Variants in GABRA3 observed in about 807,000 individuals in gnomAD.
GABRA3 encodes the protein gamma-aminobutyric acid receptor subunit alpha-3.
GABRA3 carries 10 observed loss-of-function variants against 30.1 expected under a neutral mutation model. The ratio of observed to expected loss-of-function variants is 0.33; its 90% CI spans 0.20 to 0.56. GABRA3 has a LOEUF of 0.56. Among genes scored for constraint, GABRA3 ranks in the 20% least tolerant of loss-of-function variants. The probability of loss-of-function intolerance (pLI) is 0.89; values close to 1 mark genes in which losing one functional copy is unlikely to be tolerated. For missense variants in GABRA3, 233 were observed against 392.0 expected, an observed-to-expected ratio of 0.59 and a Z score of 3.42; for synonymous variants, 151 against 146.8, an observed-to-expected ratio of 1.03 and a Z score of -0.21.
At chrX:152,174,599 G>A (rs1379259372) in intron 9 of GABRA3, among the ~76,000 whole-genome samples, 3 of 112,149 alleles carry the variant, frequency 2.7e-5, no homozygotes, top group African/African-American at 9.7e-5. Context: ...CTTTTGAGAA[G>A]TGTCTGTTTA....
intron 1 of GABRA3, among the ~76,000 whole-genome samples, chrX:152,439,454 C>T (rs1166433512): frequency 9.0e-6 from 1 of 111,137 alleles, no homozygotes; most frequent in African/African-American, 3.3e-5. Flanking sequence ...GATGAAAATA[C>T]CAAGTGGTGG....
intron 5 of GABRA3, among the ~76,000 whole-genome samples, chrX:152,254,123 T>G (rs1034146021): frequency 8.9e-6 from 1 of 111,796 alleles, no homozygotes; most frequent in African/African-American, 3.2e-5. Flanking sequence ...CAGAATTTAC[T>G]TTAGGGTCAT....
chrX:152,390,664 C>T (rs1929453207), intron 1 of GABRA3, among the ~76,000 whole-genome samples: 1 of 111,830 alleles, frequency 8.9e-6, no homozygotes, highest in African/African-American at 3.2e-5. Context: ...CAGTGCTTAA[C>T]CATTAGACTA....
intron 9 of GABRA3, among the ~76,000 whole-genome samples, chrX:152,184,365 T>G (rs1156762316): frequency 2.7e-5 from 3 of 111,594 alleles, no homozygotes; most frequent in African/African-American, 9.8e-5. Flanking sequence ...TTTGCTCATG[T>G]AGCTAACCTG....
chrX:152,245,104 G>A (rs1938442111), intron 5 of GABRA3, among the ~76,000 whole-genome samples: 1 of 66,696 alleles, frequency 1.5e-5, no homozygotes, highest in Non-Finnish European at 2.8e-5. Context: ...TATAATGTAG[G>A]AGGGAACAGT....
intron 5 of GABRA3, among the ~76,000 whole-genome samples, chrX:152,250,039 T>A (rs1156317637): frequency 9.0e-6 from 1 of 111,048 alleles, no homozygotes; most frequent in East Asian, 2.8e-4. Context: ...TGTATACTAT[T>A]TCTTCTGCCT....
At chrX:152,385,630 C>T (rs964833130) in intron 1 of GABRA3, among the ~76,000 whole-genome samples, 5 of 111,916 alleles carry the variant, frequency 4.5e-5, no homozygotes, top group African/African-American at 1.3e-4. Flanking sequence ...GCTTTTGTTG[C>T]CATTGCTTTT....
chrX:152,322,999 C>T (rs538370977), intron 3 of GABRA3, among the ~76,000 whole-genome samples: 127 of 107,488 alleles, frequency 1.2e-3, no homozygotes, highest in Admixed American at 2.4e-3. Context: ...ACTACAGGCG[C>T]GCACCACCAT....
At chrX:152,278,771 G>C (rs1232755284) in intron 4 of GABRA3, among the ~76,000 whole-genome samples, 1 of 111,894 alleles carries the variant, frequency 8.9e-6, no homozygotes, top group Admixed American at 9.5e-5. Context: ...TCCAGTACCT[G>C]TTGTTTCCTG....
chrX:152,186,534 C>T (rs1378404649), intron 9 of GABRA3, among the ~76,000 whole-genome samples: 2 of 111,013 alleles, frequency 1.8e-5, no homozygotes, highest in Non-Finnish European at 3.8e-5. Flanking sequence ...TTGAATTGGT[C>T]AACCAACTAC....
intron 1 of GABRA3, among the ~76,000 whole-genome samples, chrX:152,419,367 G>C (rs1219049015): frequency 7.2e-5 from 8 of 111,170 alleles, no homozygotes; most frequent in Non-Finnish European, 1.5e-4. Flanking sequence ...CAGCAAGCCT[G>C]ATGAATAACA....
At chrX:152,408,381 C>T (rs925218556) in intron 1 of GABRA3, among the ~76,000 whole-genome samples, 3 of 110,851 alleles carry the variant, frequency 2.7e-5, no homozygotes, top group South Asian at 7.5e-4. Flanking sequence ...GTAAAGTTGC[C>T]GGATACTAAA....
chrX:152,275,978 T>A (rs1939077546), intron 4 of GABRA3, among the ~76,000 whole-genome samples: 1 of 109,950 alleles, frequency 9.1e-6, no homozygotes, highest in Non-Finnish European at 1.9e-5. Context: ...TTTTAAGGAA[T>A]GAAAAGATGG....
At chrX:152,200,602 T>C (rs1937470945) in intron 7 of GABRA3, among the ~76,000 whole-genome samples, 1 of 111,038 alleles carries the variant, frequency 9.0e-6, no homozygotes, top group Admixed American at 9.6e-5. Context: ...TGAGAAGGCA[T>C]TGGGGATTTG....
In GABRA3 at chrX:152,347,174, T is replaced by C. The variant is rs188343426; in HGVS notation, c.141-1472A>G. 1.7e-4 allele frequency among the ~76,000 whole-genome samples: 19 copies of C among 111,740 alleles called. 1 individual carries two copies. Among genetic ancestry groups the C allele is most frequent in the African/African-American group, 5.5e-4 (17 of 30,810 alleles). On this transcript the variant is annotated intron_variant, in intron 2 of 9. Coordinates refer to ENST00000370314, the MANE Select transcript of GABRA3 (RefSeq NM_000808.4). Reference sequence around the variant, plus strand: ...CTATTCAGTCATAAAAATAATGAGATCCTGTCATTTGCAAAACATGGATGA... The same window carrying C: ...CTATTCAGTCATAAAAATAATGAGACCCTGTCATTTGCAAAACATGGATGA...
chrX:152,337,296 C>A (rs1474398425), intron 3 of GABRA3, among the ~76,000 whole-genome samples: 1 of 111,233 alleles, frequency 9.0e-6, no homozygotes, highest in Non-Finnish European at 1.9e-5. Context: ...TGTACTAACA[C>A]TAGGTCTTAT....
chrX:152,212,174 C>T (rs186343335), intron 6 of GABRA3, among the ~76,000 whole-genome samples: 34 of 105,442 alleles, frequency 3.2e-4, no homozygotes, highest in African/African-American at 1.2e-3. Flanking sequence ...GCCCCAGCTG[C>T]TCAGGAGGCT....
At chrX:152,382,569 CATAG>C (rs869088216) in intron 1 of GABRA3, among the ~76,000 whole-genome samples, 8 of 111,647 alleles carry the variant, frequency 7.2e-5, no homozygotes, top group Non-Finnish European at 1.5e-4. Context: ...CTTTTGGGGT[CATAG>C]ATAAAAAAGT....
intron 2 of GABRA3, among the ~76,000 whole-genome samples, chrX:152,346,234 G>GA (rs764032545): frequency 1.4e-4 from 16 of 111,123 alleles, no homozygotes; most frequent in African/African-American, 4.9e-4. Flanking sequence ...ACATACACTG[G>GA]AAAAAAAGAC....
Sources: allele counts gnomAD v4.1 joint callset (sites outside exome capture counted in the v4.1 genomes callset), GRCh38; gene constraint gnomAD v4.1.1; transcripts MANE v1.5; gene names NCBI Gene and HGNC (gene_info 2026-07-23, HGNC 2026-07-21).